RNF130: variants seen among roughly 807,000 people sequenced by gnomAD.
The protein encoded by RNF130 is ring finger protein 130, also known as E3 ubiquitin-protein ligase RNF130.
A neutral mutation model predicts 44.6 loss-of-function variants in RNF130; 21 were observed. That is an observed-to-expected ratio of 0.47 (90% CI 0.33 to 0.68). The LOEUF is 0.68. RNF130 is among the 30% of genes least tolerant of loss of function. The pLI is 0.02. For missense variants in RNF130, 479 were observed against 560.6 expected, an observed-to-expected ratio of 0.85 and a Z score of 1.47; for synonymous variants, 214 against 210.4, an observed-to-expected ratio of 1.02 and a Z score of -0.15.
intron 3 of RNF130, among the ~76,000 whole-genome samples, chr5:179,988,221 T>C (rs1486302574): frequency 6.6e-6 from 1 of 152,200 alleles, no homozygotes; most frequent in African/African-American, 2.4e-5. Context: ...TTCCAGTATG[T>C]TAGTGTATAA....
At chr5:180,028,209 T>C (rs971665622) in intron 2 of RNF130, among the ~76,000 whole-genome samples, 1 of 152,192 alleles carries the variant, frequency 6.6e-6, no homozygotes, top group African/African-American at 2.4e-5. Context: ...CATTCCTCTC[T>C]GACCCCTTGG....
At chr5:180,012,940 G>A in intron 3 of RNF130, 121 bp downstream of exon 3, 2 of 1,132,016 alleles carry the variant, frequency 1.8e-6, no homozygotes, top group South Asian at 1.6e-5. Flanking sequence ...ATATTAAAAT[G>A]ACTGAGTGAG....
In RNF130 at chr5:180,049,450, T is replaced by C. The variant is rs116140603; in HGVS notation, c.248-8803A>G. Among the ~76,000 whole-genome samples, 1,164 of 152,344 alleles carry C rather than the reference T, an allele frequency of 7.6e-3. 7 individuals carry two copies. Among genetic ancestry groups the C allele is most frequent in the Non-Finnish European group, 0.013 (906 of 68,036 alleles). ...ATAAACACAGATAACAAACCATCTGTAACTCTGTAACCAGCAGCAACCACA... is the reference window on the plus strand; with the variant it reads ...ATAAACACAGATAACAAACCATCTGCAACTCTGTAACCAGCAGCAACCACA... On this transcript the variant is annotated intron_variant, in intron 1 of 8. Transcript: ENST00000521389.
Position 179,966,923 on chromosome 5 carries a change from C to T in RNF130, c.1033G>A (p.Asp345Asn), listed in dbSNP as rs143620921. The T allele has an allele frequency of 2.1e-4, 340 of 1,614,224 alleles. No individual in the cohort carries two copies. In the African/African-American group the frequency reaches 2.4e-3, roughly 11 times the overall value. Residue 345 changes from aspartate (D) to asparagine (N), a missense_variant, in exon 7 of 9, where the codon GAC becomes AAC. Asp to Asn is a conservative substitution (Grantham distance 23). Transcript: ENST00000521389. ...QAVNRRSALG[D>N]LAGDNSLGLE... ...CCAAGGGAGTTGTCGCCGGCGAGGT[C>T]GCCGAGGGCTGATCTTCGGTTAACA... is the stretch of plus-strand genomic sequence containing the variant.
At chr5:179,930,167 C>T (rs984529546) in intron 7 of RNF130, among the ~76,000 whole-genome samples, 10 of 152,126 alleles carry the variant, frequency 6.6e-5, no homozygotes, top group African/African-American at 1.2e-4. Flanking sequence ...AAGCGATTCT[C>T]CTGCCTCAGC....
intron 6 of RNF130, among the ~76,000 whole-genome samples, chr5:179,969,155 T>A (rs1196657441): frequency 1.3e-5 from 2 of 152,188 alleles, no homozygotes; most frequent in Non-Finnish European, 2.9e-5. Flanking sequence ...AGAAACTATG[T>A]TATTTTCCAA....
chr5:180,010,098 T>C (rs1021314455), intron 3 of RNF130, among the ~76,000 whole-genome samples: 3 of 151,668 alleles, frequency 2.0e-5, no homozygotes, highest in African/African-American at 7.3e-5. Context: ...ATACAAAAAA[T>C]TAGCCAGGCA....
At chr5:179,998,315 C>T (rs1249089400) in intron 3 of RNF130, among the ~76,000 whole-genome samples, 1 of 152,132 alleles carries the variant, frequency 6.6e-6, no homozygotes, top group Admixed American at 6.5e-5. Context: ...AGTCTCCTTC[C>T]TAATTTACTC....
At chr5:179,994,251 A>C (rs1261626463) in intron 3 of RNF130, among the ~76,000 whole-genome samples, 1 of 152,214 alleles carries the variant, frequency 6.6e-6, no homozygotes, top group African/African-American at 2.4e-5. Flanking sequence ...CTATGAAGAA[A>C]GTCATTGGTA....
At chr5:179,948,246 C>T (rs1001863807) in intron 7 of RNF130, among the ~76,000 whole-genome samples, 6 of 152,224 alleles carry the variant, frequency 3.9e-5, no homozygotes, top group African/African-American at 1.4e-4. Flanking sequence ...GTGAACAACT[C>T]AGCATGCTAC....
At chr5:180,046,920 T>A (rs1764578928) in intron 1 of RNF130, among the ~76,000 whole-genome samples, 1 of 152,212 alleles carries the variant, frequency 6.6e-6, no homozygotes, top group South Asian at 2.1e-4. Context: ...GGCACATAGA[T>A]GTTTAACATG....
chr5:180,061,414 C>T lies in RNF130; in HGVS notation c.247+10042G>A, dbSNP rs533434024. On this transcript the variant is annotated intron_variant, in intron 1 of 8. Coordinates refer to ENST00000521389, the MANE Select transcript of RNF130 (RefSeq NM_018434.6). ...TTCTCTTTGTATTAGTTTCCAGTGG[C>T]GGCCGCAAGACATCACAAACTTGGT... is the stretch of plus-strand genomic sequence containing the variant. Among the ~76,000 whole-genome samples the T allele has an allele frequency of 1.8e-4, 27 of 152,302 alleles. No homozygotes were observed. In the South Asian group the frequency reaches 5.0e-3, roughly 28 times the overall value.
At chr5:179,922,379 C>CA (rs1761646915) in intron 7 of RNF130, among the ~76,000 whole-genome samples, 1 of 152,056 alleles carries the variant, frequency 6.6e-6, no homozygotes, top group African/African-American at 2.4e-5. Context: ...ATGGCGCCAT[C>CA]TCGGCTCACT....
At chr5:179,944,097 G>A (rs774802608) in intron 7 of RNF130, among the ~76,000 whole-genome samples, 32 of 150,500 alleles carry the variant, frequency 2.1e-4, no homozygotes, top group Non-Finnish European at 4.3e-4. Flanking sequence ...TCAGCCTCCC[G>A]AGTAGCTGGG....
intron 7 of RNF130, among the ~76,000 whole-genome samples, chr5:179,932,997 A>T (rs1761831560): frequency 6.6e-6 from 1 of 152,258 alleles, no homozygotes; most frequent in African/African-American, 2.4e-5. Context: ...TGAAAAAGAC[A>T]TCACTGCAAA....
intron 2 of RNF130, among the ~76,000 whole-genome samples, chr5:180,032,440 T>C (rs536066341): frequency 3.3e-5 from 5 of 152,282 alleles, no homozygotes; most frequent in South Asian, 2.1e-4. Flanking sequence ...GGTGCCATCA[T>C]GGCTCACTGC....
chr5:179,966,712 G>T, intron 7 of RNF130, 94 bp downstream of exon 7: 1 of 1,057,398 alleles, frequency 9.5e-7, no homozygotes, highest in Non-Finnish European at 1.4e-6. Context: ...AGTCTGTGTT[G>T]CAGGCTGAGG....
intron 1 of RNF130, among the ~76,000 whole-genome samples, chr5:180,044,325 A>C (rs566317166): frequency 6.9e-4 from 105 of 152,290 alleles, no homozygotes; most frequent in Middle Eastern, 3.4e-3. Context: ...GATAATACAA[A>C]ATATTTTACT....
At position 179,983,029 on chromosome 5, in the gene RNF130, T is replaced by C. The variant is rs143917074; in HGVS notation, c.694-2829A>G. 3.3e-4 allele frequency among the ~76,000 whole-genome samples: 50 copies of C among 152,364 alleles called. 1 individual carries two copies. The highest frequency in any genetic ancestry group is 3.4e-3 in the Middle Eastern group (1 of 294). On this transcript the variant is annotated intron_variant, in intron 3 of 8. Transcript: ENST00000521389. ...TGTACATTGTCTGTGGTGAAGTGTC[T>C]GTTCATGTGTTTTGCCTATATTTCT...
Sources: gnomAD v4.1 joint callset for allele counts (sites outside exome capture counted in the v4.1 genomes callset) on GRCh38, gnomAD v4.1.1 for gene constraint, MANE v1.5 for transcripts, NCBI Gene and HGNC (gene_info 2026-07-23, HGNC 2026-07-21) for gene names.